PLAAT5: variants seen among roughly 807,000 people sequenced by gnomAD.
PLAAT5 encodes Ca(2+)-independent N-acyltransferase.
A neutral mutation model predicts 27.8 loss-of-function variants in PLAAT5; 27 were observed. The ratio of observed to expected loss-of-function variants is 0.97; its 90% CI spans 0.72 to 1.34. The LOEUF is 1.34. Among genes scored for constraint, PLAAT5 ranks in the 40% most tolerant of loss-of-function variants. The pLI is 0.00. For synonymous variants in PLAAT5, 125 were observed against 136.1 expected (o/e 0.92, Z 0.57); for missense variants, 368 against 343.8 (o/e 1.07, Z -0.56).
chr11:63,484,972 C>A (rs955132753), intron 3 of PLAAT5, among the ~76,000 whole-genome samples: 6 of 151,964 alleles, frequency 3.9e-5, no homozygotes, highest in African/African-American at 7.3e-5. Flanking sequence ...GTACACAAAT[C>A]AGTAGCCCTG....
chr11:63,475,461 A>G (rs1268568465), intron 3 of PLAAT5, among the ~76,000 whole-genome samples: 2 of 151,498 alleles, frequency 1.3e-5, no homozygotes, highest in African/African-American at 4.9e-5. Context: ...TAGTACAACC[A>G]CTCCTGCTAC....
At chr11:63,463,652 C>T in intron 5 of PLAAT5, 57 bp from the exon 6 acceptor site, 2 of 1,382,820 alleles carry the variant, frequency 1.4e-6, no homozygotes, top group Non-Finnish European at 2.1e-6. Context: ...TTGCACCCTC[C>T]CCTACCTCCA....
intron 3 of PLAAT5, 131 bp downstream of exon 3, chr11:63,488,740 C>T (rs773605169): frequency 1.7e-4 from 90 of 522,782 alleles, no homozygotes; most frequent in Non-Finnish European, 2.6e-4. Context: ...TGGCCCAAGA[C>T]GTTTCTTCTT....
At chr11:63,469,104 G>A (rs1189662197) in intron 3 of PLAAT5, among the ~76,000 whole-genome samples, 1 of 31,200 alleles carries the variant, frequency 3.2e-5, no homozygotes, top group Admixed American at 2.8e-4. Flanking sequence ...CTCTATTATC[G>A]TGTGTGTGTG....
chr11:63,488,746 T>C (rs2016494732), intron 3 of PLAAT5, 125 bp downstream of exon 3: 1 of 554,122 alleles, frequency 1.8e-6, no homozygotes. Context: ...AAGACGTTTC[T>C]TCTTCCAGTG....
chr11:63,476,218 A>G (rs773504014), intron 3 of PLAAT5, among the ~76,000 whole-genome samples: 20 of 152,106 alleles, frequency 1.3e-4, no homozygotes, highest in Non-Finnish European at 2.7e-4. Context: ...TAGGATTTAT[A>G]ACTAGTTTTA....
chr11:63,490,203 T>G lies in PLAAT5; in HGVS notation c.239+40A>C, dbSNP rs895231985. On this transcript the variant is annotated intron_variant, in intron 2 of 5. Transcript: ENST00000540857. ...CATTCCAAGTCAATTCTCCAAAAGA[T>G]TTCTTCCACCCAAAGACCCCAACCT... 5.6e-6 allele frequency: 9 copies of G among 1,613,248 alleles called. No individual in the cohort carries two copies. In the Admixed American group the frequency reaches 1.5e-4, roughly 27 times the overall value.
intron 3 of PLAAT5, among the ~76,000 whole-genome samples, chr11:63,483,020 T>C (rs766663640): frequency 3.9e-5 from 6 of 152,196 alleles, no homozygotes; most frequent in Admixed American, 2.0e-4. Context: ...AGGGACATTA[T>C]ATAATAATAA....
rs145566826 is a variant in PLAAT5, at chr11:63,472,133, C to A, written c.346-3668G>T. 1.2e-3 allele frequency among the ~76,000 whole-genome samples: 186 copies of A among 152,122 alleles called. 2 individuals are homozygous for A. The highest frequency in any genetic ancestry group is 2.1e-3 in the South Asian group (10 of 4,804). Reference sequence around the variant, plus strand: ...GTGATGGGTTGATCTGTGCACAAACCACCATAGCACAATTTTACCTATGTA... The same window carrying A: ...GTGATGGGTTGATCTGTGCACAAACAACCATAGCACAATTTTACCTATGTA... On this transcript the variant is annotated intron_variant, in intron 3 of 5. Transcript: ENST00000540857.
At chr11:63,490,856 A>G in intron 1 of PLAAT5, 31 bp downstream of exon 1, 3 of 1,576,864 alleles carry the variant, frequency 1.9e-6, no homozygotes, top group Non-Finnish European at 2.6e-6. Flanking sequence ...ACAATTGCGG[A>G]TTGTCCTTCA....
At chr11:63,483,840 T>TAC (rs2016368170) in intron 3 of PLAAT5, among the ~76,000 whole-genome samples, 2 of 102,970 alleles carry the variant, frequency 1.9e-5, no homozygotes, top group East Asian at 2.8e-4. Flanking sequence ...TATATATATA[T>TAC]ATACACATAT....
chr11:63,473,147 A>G lies in PLAAT5; in HGVS notation c.346-4682T>C, dbSNP rs549142566. ...AAAAAAAAAGTTCTAATAGTTTTGT[A>G]AGTACAGGCATGTCTCATTTTACTG... is the stretch of plus-strand genomic sequence containing the variant. On this transcript the variant is annotated intron_variant, in intron 3 of 5. Transcript: ENST00000540857. Among the ~76,000 whole-genome samples, 13 of 152,192 alleles carry G rather than the reference A, an allele frequency of 8.5e-5. No individual in the cohort carries two copies. The East Asian group carries it at 2.3e-3, about 27-fold the overall frequency.
In PLAAT5 at chr11:63,462,223, CA is replaced by C. The variant is rs2015737375; in HGVS notation, c.*1279del. 6.6e-6 allele frequency: 1 copy of C among 152,150 alleles called. No homozygotes were observed. The highest frequency in any genetic ancestry group is 6.5e-5 in the Admixed American group (1 of 15,278). 9.4% of individuals were successfully genotyped at this position (152,150 alleles called of 1,614,324 possible). Reference sequence around the variant, plus strand: ...TCAGGTTCTGCTTCCAAGGAAGTCTCAACCTAGACCATATAATGAATAGAGA... The same window carrying C: ...TCAGGTTCTGCTTCCAAGGAAGTCTCACCTAGACCATATAATGAATAGAGA... On this transcript the variant is annotated 3_prime_UTR_variant, in exon 6 of 6. Coordinates refer to ENST00000540857, the MANE Select transcript of PLAAT5 (RefSeq NM_001146729.2).
intron 3 of PLAAT5, chr11:63,469,498 C>A: frequency 4.2e-6 from 1 of 240,908 alleles, no homozygotes. Context: ...TCACCCAAGA[C>A]CTTTGGCCAA....
chr11:63,468,891 G>T (rs1341584329), intron 3 of PLAAT5, among the ~76,000 whole-genome samples: 1 of 152,110 alleles, frequency 6.6e-6, no homozygotes, highest in Non-Finnish European at 1.5e-5. Flanking sequence ...ATGGTCAGTA[G>T]TGTGGGTGTG....
intron 4 of PLAAT5, among the ~76,000 whole-genome samples, chr11:63,467,355 T>C (rs2015891485): frequency 6.6e-6 from 1 of 152,170 alleles, no homozygotes; most frequent in African/African-American, 2.4e-5. Context: ...GATGAATTTC[T>C]ACATTCTTTG....
chr11:63,483,801 G>GTACA (rs2016354141), intron 3 of PLAAT5, among the ~76,000 whole-genome samples: 1 of 24,160 alleles, frequency 4.1e-5, no homozygotes, highest in Non-Finnish European at 8.3e-5. Flanking sequence ...ATATATATAT[G>GTACA]TATATATATA....
chr11:63,479,353 C>A (rs1368818949), intron 3 of PLAAT5, among the ~76,000 whole-genome samples: 1 of 152,190 alleles, frequency 6.6e-6, no homozygotes. Context: ...TAAGCAGATG[C>A]CTCTGTCTTC....
At position 63,466,185 on chromosome 11, in the gene PLAAT5, C is replaced by T; in HGVS notation, c.642G>A (p.Val214=). 2 of 1,614,188 alleles carry T rather than the reference C, an allele frequency of 1.2e-6. No individual in the cohort carries two copies. Among genetic ancestry groups the T allele is most frequent in the South Asian group, 2.2e-5 (2 of 91,084 alleles). The change falls in exon 5 of 6, where the codon GTG becomes GTA. Residue 214 remains valine (V), a synonymous_variant. Transcript: ENST00000540857. ...QRTKKMVNKI[V]QYSLIEGNCE... is the part of the protein sequence containing the mutation. ...AGTTCCCTTCAATCAGGCTGTACTGCACGATCTTGTTGACCATCTTTTTTG... is the reference window on the plus strand; with the variant it reads ...AGTTCCCTTCAATCAGGCTGTACTGTACGATCTTGTTGACCATCTTTTTTG...
Sources: allele counts gnomAD v4.1 joint callset (sites outside exome capture counted in the v4.1 genomes callset), GRCh38; gene constraint gnomAD v4.1.1; transcripts MANE v1.5; gene names NCBI Gene and HGNC (gene_info 2026-07-23, HGNC 2026-07-21).